The following PRKCH variants were observed in gnomAD, a reference collection of about 807,000 sequenced individuals.
The protein encoded by PRKCH is protein kinase C eta type.
In PRKCH, 28 loss-of-function variants were observed where a neutral mutation model predicts 82.5. That is an observed-to-expected ratio of 0.34 (90% CI 0.25 to 0.47). The LOEUF is 0.47. Ranked by LOEUF, PRKCH falls within the 20% of genes least tolerant of loss-of-function variation. The pLI is 1.00. For synonymous variants in PRKCH, 322 were observed against 327.4 expected (o/e 0.98, Z 0.18); for missense variants, 705 against 881.8 (o/e 0.80, Z 2.54).
intron 1 of PRKCH, among the ~76,000 whole-genome samples, chr14:61,199,277 C>T (rs2044461836): frequency 6.6e-6 from 1 of 152,018 alleles, no homozygotes; most frequent in African/African-American, 2.4e-5. Context: ...TGTTATGTAC[C>T]CCCTGGGTGT....
intron 10 of PRKCH, among the ~76,000 whole-genome samples, chr14:61,490,543 C>T (rs1223321925): frequency 6.6e-6 from 1 of 152,156 alleles, no homozygotes; most frequent in African/African-American, 2.4e-5. Flanking sequence ...TGGGCATAGC[C>T]TTGCTTGGCA....
At chr14:61,454,078 T>C (rs568087923) in intron 7 of PRKCH, among the ~76,000 whole-genome samples, 5 of 140,786 alleles carry the variant, frequency 3.6e-5, no homozygotes, top group Admixed American at 6.6e-5. Flanking sequence ...AGGACTTTTT[T>C]CCTTTCTTTC....
chr14:61,355,327 G>GTT (rs148822100), intron 1 of PRKCH, among the ~76,000 whole-genome samples: 2 of 147,216 alleles, frequency 1.4e-5, no homozygotes, highest in African/African-American at 5.0e-5. Context: ...GGTTATCTTT[G>GTT]TTTTTTTTTT....
intron 2 of PRKCH, among the ~76,000 whole-genome samples, chr14:61,431,188 C>T (rs1170900579): frequency 3.3e-5 from 5 of 152,166 alleles, no homozygotes; most frequent in Admixed American, 2.0e-4. Flanking sequence ...GGAAAAATGC[C>T]TCAAATGAAC....
intron 12 of PRKCH, among the ~76,000 whole-genome samples, chr14:61,531,433 A>T (rs1011989288): frequency 6.6e-6 from 1 of 152,244 alleles, no homozygotes; most frequent in African/African-American, 2.4e-5. Context: ...TCCTTAAGTT[A>T]TATCCTTTCA....
chr14:61,393,717 C>T (rs1038502692), intron 2 of PRKCH, among the ~76,000 whole-genome samples: 1 of 152,150 alleles, frequency 6.6e-6, no homozygotes, highest in African/African-American at 2.4e-5. Flanking sequence ...AGGTTTTCTC[C>T]CCTCAATATC....
chr14:61,418,438 G>C lies in PRKCH; in HGVS notation c.428-24673G>C, dbSNP rs142289983. Reference sequence around the variant, plus strand: ...AGAGGATCTTTGGAATCTCCAGGAAGAAGGCCTGACAACCTCTGGATGAAG... The same window carrying C: ...AGAGGATCTTTGGAATCTCCAGGAACAAGGCCTGACAACCTCTGGATGAAG... On this transcript the variant is annotated intron_variant, in intron 2 of 13. Coordinates refer to ENST00000332981, the MANE Select transcript of PRKCH (RefSeq NM_006255.5). Among the ~76,000 whole-genome samples, 155 of 152,350 alleles carry C rather than the reference G, an allele frequency of 1.0e-3. 4 individuals are homozygous for C. In the East Asian group the frequency reaches 0.022, roughly 21 times the overall value.
intron 9 of PRKCH, among the ~76,000 whole-genome samples, chr14:61,470,934 T>C (rs1885473837): frequency 6.6e-6 from 1 of 152,124 alleles, no homozygotes; most frequent in Non-Finnish European, 1.5e-5. Context: ...TTCTGGCTCC[T>C]CACTCCCCAG....
At chr14:61,378,139 A>G (rs979699261) in intron 1 of PRKCH, among the ~76,000 whole-genome samples, 1 of 151,734 alleles carries the variant, frequency 6.6e-6, no homozygotes, top group African/African-American at 2.4e-5. Flanking sequence ...TCAGGCCTCA[A>G]TTCAGGGTCT....
At chr14:61,445,587 G>T in intron 3 of PRKCH, 105 bp from the exon 4 acceptor site, 1 of 992,956 alleles carries the variant, frequency 1.0e-6, no homozygotes, top group Admixed American at 1.9e-5. Flanking sequence ...CCCTGAAATT[G>T]TGTTTTTCAT....
At chr14:61,472,103 G>C (rs1299910439) in intron 9 of PRKCH, among the ~76,000 whole-genome samples, 1 of 152,164 alleles carries the variant, frequency 6.6e-6, no homozygotes, top group Non-Finnish European at 1.5e-5. Flanking sequence ...CAGCGGAAGC[G>C]TGCAGCGTCT....
At chr14:61,424,932 C>A (rs551466157) in intron 2 of PRKCH, among the ~76,000 whole-genome samples, 49 of 152,360 alleles carry the variant, frequency 3.2e-4, no homozygotes, top group Non-Finnish European at 5.7e-4. Context: ...AAAAAGTCAG[C>A]TCAGGCTGTT....
chr14:61,232,870 C>T lies in PRKCH; in HGVS notation c.-19+45202C>T, dbSNP rs55633859. On this transcript the variant is annotated intron_variant, in intron 1 of 3. Coordinates refer to the PRKCH transcript ENST00000555185. Reference sequence around the variant, plus strand: ...GTGACCGTACCCCATCCTGACACTACGCAGGGGTTGCCAACCGTCAGTCAA... The same window carrying T: ...GTGACCGTACCCCATCCTGACACTATGCAGGGGTTGCCAACCGTCAGTCAA... Among the ~76,000 whole-genome samples the T allele has an allele frequency of 9.0e-3, 1,373 of 152,206 alleles. 16 individuals carry two copies. Among genetic ancestry groups the T allele is most frequent in the South Asian group, 0.018 (85 of 4,814 alleles).
intron 1 of PRKCH, among the ~76,000 whole-genome samples, chr14:61,296,487 C>T (rs991622901): frequency 1.9e-4 from 29 of 152,178 alleles, no homozygotes; most frequent in African/African-American, 6.0e-4. Context: ...GGTCATGCCA[C>T]GGGGTGCATC....
intron 12 of PRKCH, chr14:61,543,935 T>G (rs1258278418): frequency 6.6e-6 from 1 of 152,232 alleles, no homozygotes; most frequent in African/African-American, 2.4e-5. Flanking sequence ...TGTTAAATGT[T>G]CCCTTAACTC....
chr14:61,373,528 G>A (rs1051585677), intron 1 of PRKCH, among the ~76,000 whole-genome samples: 4 of 151,738 alleles, frequency 2.6e-5, no homozygotes, highest in Non-Finnish European at 5.9e-5. Flanking sequence ...ATATCATTCC[G>A]CCCCTGGCCC....
chr14:61,262,219 T>TAAATAAAAAAAAAAAAAAA (rs1356058235), intron 1 of PRKCH, among the ~76,000 whole-genome samples: 4 of 106,608 alleles, frequency 3.8e-5, no homozygotes, highest in African/African-American at 1.6e-4. Flanking sequence ...AGACTCTGTA[T>TAAATAAAAAAAAAAAAAAA]AAAAAAAAAA....
In PRKCH at chr14:61,321,983, C is replaced by T; in HGVS notation, c.-119C>T. The T allele has an allele frequency of 8.8e-7, 1 of 1,139,958 alleles. No individual in the cohort carries two copies. The highest frequency in any genetic ancestry group is 1.2e-6 in the Non-Finnish European group (1 of 827,806). The allele number at this position is 1,139,958 out of a possible 1,614,324, so 70.6% of individuals were successfully genotyped here. ...CCAGTCGAGGGGCGCTTAGGCGCTG[C>T]CTTTCCCCAGGGCTGCCTCGACTCC... is the stretch of plus-strand genomic sequence containing the variant. On this transcript the variant is annotated 5_prime_UTR_variant, in exon 1 of 14. Coordinates refer to ENST00000332981, the MANE Select transcript of PRKCH (RefSeq NM_006255.5). This position sits in a 1 kb window ranked among gnomAD's most constrained non-coding sequence, Gnocchi z 4.1.
intron 1 of PRKCH, among the ~76,000 whole-genome samples, chr14:61,195,616 T>C (rs2044435349): frequency 6.6e-6 from 1 of 152,212 alleles, no homozygotes; most frequent in African/African-American, 2.4e-5. Context: ...AACATCCAAA[T>C]TAGAATTAAG....
Sources: allele counts gnomAD v4.1 joint callset (sites outside exome capture counted in the v4.1 genomes callset), GRCh38; gene constraint gnomAD v4.1.1; non-coding constraint Gnocchi (gnomAD v3.1); transcripts MANE v1.5; gene names NCBI Gene and HGNC (gene_info 2026-07-23, HGNC 2026-07-21).